TASP1: variants seen among roughly 807,000 people sequenced by gnomAD.
TASP1 encodes threonine aspartase 1.
TASP1 carries 16 observed loss-of-function variants against 56.6 expected under a neutral mutation model. That is an observed-to-expected ratio of 0.28 (90% CI 0.19 to 0.43). The LOEUF is 0.43. Among genes scored for constraint, TASP1 ranks in the 20% least tolerant of loss-of-function variants. The pLI, the probability that TASP1 is intolerant of heterozygous loss-of-function variation, is 1.00. For missense variants in TASP1, 393 were observed against 511.6 expected, an observed-to-expected ratio of 0.77 and a Z score of 2.24; for synonymous variants, 179 against 184.2, an observed-to-expected ratio of 0.97 and a Z score of 0.23.
the TASP1 span, among the ~76,000 whole-genome samples, chr20:13,340,553 G>A: frequency 3.3e-5 from 5 of 151,114 alleles, no homozygotes; most frequent in Admixed American, 1.3e-4. Context: ...TATAATAGAT[G>A]TGCATATCTG....
At chr20:13,267,944 G>A in the TASP1 span, among the ~76,000 whole-genome samples, 17 of 152,194 alleles carry the variant, frequency 1.1e-4, no homozygotes, top group Non-Finnish European at 2.4e-4. Context: ...TCCTGCACAA[G>A]AAATTCTCCA....
chr20:13,179,075 TA>T, the TASP1 span, among the ~76,000 whole-genome samples: 1 of 152,250 alleles, frequency 6.6e-6, no homozygotes, highest in East Asian at 1.9e-4. Context: ...AAAATAAAAT[TA>T]AAAACAAGGA....
At chr20:13,266,591 T>C in the TASP1 span, among the ~76,000 whole-genome samples, 1 of 152,192 alleles carries the variant, frequency 6.6e-6, no homozygotes, top group Admixed American at 6.5e-5. Context: ...CATAGATTGA[T>C]GTTCAACTCA....
intron 12 of TASP1, among the ~76,000 whole-genome samples, chr20:13,425,950 T>C (rs892194268): frequency 1.3e-5 from 2 of 152,218 alleles, no homozygotes; most frequent in Admixed American, 6.5e-5. Flanking sequence ...ACCACTTAAC[T>C]GTCTTGGGAG....
intron 12 of TASP1, among the ~76,000 whole-genome samples, chr20:13,419,851 G>GAAGGA (rs2042377249): frequency 6.6e-6 from 1 of 152,214 alleles, no homozygotes; most frequent in Non-Finnish European, 1.5e-5. Context: ...ACTGAAGAGT[G>GAAGGA]AAGGAAAAGT....
chr20:13,201,043 T>C, the TASP1 span, among the ~76,000 whole-genome samples: 4 of 152,212 alleles, frequency 2.6e-5, no homozygotes, highest in Non-Finnish European at 4.4e-5. Context: ...TGAGTCTGAA[T>C]GACAGTCTCC....
chr20:13,516,533 G>A lies in TASP1; in HGVS notation c.874+11900C>T, dbSNP rs114410363. ...TGCTCAACTTACCCCCTCTCCAACT[G>A]ACAGCAGGTAGTACTCCACAATGGG... On this transcript the variant is annotated intron_variant, in intron 10 of 13. Transcript: ENST00000337743. Among the ~76,000 whole-genome samples the A allele has an allele frequency of 1.3e-3, 203 of 152,162 alleles. 1 individual carries two copies. The highest frequency in any genetic ancestry group is 4.6e-3 in the African/African-American group (191 of 41,544).
intron 12 of TASP1, among the ~76,000 whole-genome samples, chr20:13,421,598 C>CTTTTTTTTTTTTTTTTTTTTTT (rs1332836180): frequency 6.6e-6 from 1 of 152,100 alleles, no homozygotes; most frequent in Admixed American, 6.5e-5. Context: ...AGATAATTTA[C>CTTTTTTTTTTTTTTTTTTTTTT]ATTACTCATA....
chr20:13,432,565 C>T (rs1239216637), intron 12 of TASP1, among the ~76,000 whole-genome samples: 1 of 152,176 alleles, frequency 6.6e-6, no homozygotes, highest in Non-Finnish European at 1.5e-5. Flanking sequence ...TATAAGTTGA[C>T]ATTAGCCTAT....
intron 8 of TASP1, among the ~76,000 whole-genome samples, chr20:13,555,912 A>G (rs544230332): frequency 2.6e-5 from 4 of 152,294 alleles, no homozygotes; most frequent in Non-Finnish European, 5.9e-5. Flanking sequence ...TCTTGGTGGC[A>G]TATAATTCAA....
intron 10 of TASP1, among the ~76,000 whole-genome samples, chr20:13,501,901 A>G (rs1033305234): frequency 1.3e-5 from 2 of 152,026 alleles, no homozygotes; most frequent in South Asian, 4.1e-4. Flanking sequence ...AAAGTTACAT[A>G]AAAACAAAGC....
chr20:13,285,130 T>G, the TASP1 span, among the ~76,000 whole-genome samples: 1 of 151,998 alleles, frequency 6.6e-6, no homozygotes, highest in South Asian at 2.1e-4. Context: ...CTATAAAATT[T>G]TTTTGAAAAC....
chr20:13,559,066 G>T lies in TASP1; in HGVS notation c.617C>A (p.Ala206Glu). The change falls in exon 8 of 14, where the codon GCA becomes GAA. Residue 206 changes from alanine to glutamate, a missense_variant. Around this residue, in one of 3 missense-constraint regions of TASP1, gnomAD observed 293 missense variants for 354.2 expected, o/e 0.83. Transcript: ENST00000337743. ...CATAAAATCTGTGTCCACCCTTTCT[G>T]CCAGCTCTAGTTTCCTCTTGTTTCT... is the stretch of plus-strand genomic sequence containing the variant. ...FKRNKRKLELAERVDTDFMQL... is the reference protein window; with the variant it reads ...FKRNKRKLELEERVDTDFMQL... 6.3e-7 allele frequency: 1 copy of T among 1,593,786 alleles called. No individual in the cohort carries two copies. Among genetic ancestry groups the T allele is most frequent in the Non-Finnish European group, 8.6e-7 (1 of 1,169,174 alleles).
chr20:13,627,422 T>C (rs2048931699), intron 2 of TASP1, among the ~76,000 whole-genome samples: 3 of 152,190 alleles, frequency 2.0e-5, no homozygotes, highest in South Asian at 2.1e-4. Flanking sequence ...CACCAACCTT[T>C]ACCTGAGAGT....
chr20:13,621,465 G>C (rs184249044), intron 4 of TASP1, among the ~76,000 whole-genome samples: 75 of 152,088 alleles, frequency 4.9e-4, no homozygotes, highest in African/African-American at 1.8e-3. Flanking sequence ...ATAACTAAAA[G>C]TTGAGGTGTG....
chr20:13,606,411 T>C (rs2048154555), intron 4 of TASP1, among the ~76,000 whole-genome samples: 1 of 152,108 alleles, frequency 6.6e-6, no homozygotes, highest in Non-Finnish European at 1.5e-5. Flanking sequence ...TTCTCTTATC[T>C]CTATTTTATT....
At chr20:13,177,708 T>C in the TASP1 span, among the ~76,000 whole-genome samples, 775 of 152,240 alleles carry the variant, frequency 5.1e-3, 10 homozygotes, top group Non-Finnish European at 8.7e-3. Flanking sequence ...TGGATATCCA[T>C]ATGCAGAAGA....
chr20:13,582,061 A>G (rs2047145358), intron 5 of TASP1, among the ~76,000 whole-genome samples: 2 of 152,058 alleles, frequency 1.3e-5, no homozygotes, highest in South Asian at 4.2e-4. Context: ...ACAGACTCCA[A>G]GAAAAACCAA....
At chr20:13,400,036 C>T (rs2041679842) in intron 13 of TASP1, among the ~76,000 whole-genome samples, 1 of 152,210 alleles carries the variant, frequency 6.6e-6, no homozygotes, top group African/African-American at 2.4e-5. Flanking sequence ...ACGCTGGAAT[C>T]CCTGTACCTC....
Sources: allele counts gnomAD v4.1 joint callset (sites outside exome capture counted in the v4.1 genomes callset), GRCh38; gene constraint gnomAD v4.1.1; regional missense constraint gnomAD v4.1.1; transcripts MANE v1.5; gene names NCBI Gene and HGNC (gene_info 2026-07-23, HGNC 2026-07-21).